Variants in JMJD1C observed in about 807,000 individuals in gnomAD.
JMJD1C encodes the protein jumonji domain containing 1C.
In JMJD1C, 31 loss-of-function variants were observed where a neutral mutation model predicts 245.3. The ratio of observed to expected loss-of-function variants is 0.13; its 90% CI spans 0.09 to 0.17. The LOEUF is 0.17. Ranked by LOEUF, JMJD1C falls within the 10% of genes least tolerant of loss-of-function variation. The pLI is 1.00. For synonymous variants in JMJD1C, 1,057 were observed against 1,017.4 expected (o/e 1.04, Z -0.74); for missense variants, 2,691 against 3,000.2 (o/e 0.90, Z 2.41).
At chr10:63,392,076 C>T (rs1832260385) in intron 1 of JMJD1C, among the ~76,000 whole-genome samples, 2 of 152,170 alleles carry the variant, frequency 1.3e-5, no homozygotes, top group South Asian at 4.1e-4. Context: ...CGTCTCACAG[C>T]CAACAGATTT....
rs1844116088 is a variant in JMJD1C, at chr10:63,186,314, C to G, written c.6640G>C (p.Asp2214His). ...SLWKAESISL[D>H]FGDHQADLLN... ...AGATCAGCTTGGTGGTCTCCAAAATCAAGACTAATTGATTCCGCCTTCCAT... is the reference window on the plus strand; with the variant it reads ...AGATCAGCTTGGTGGTCTCCAAAATGAAGACTAATTGATTCCGCCTTCCAT... The change falls in exon 19 of 26, where the codon GAT (aspartate) becomes CAT (histidine). Residue 2214 changes from aspartate to histidine, a missense_variant. This residue lies in a region of JMJD1C where 232 missense variants were observed against 416.1 expected (regional missense o/e 0.56). Coordinates refer to ENST00000399262, the MANE Select transcript of JMJD1C (RefSeq NM_032776.3). 5.6e-6 allele frequency: 9 copies of G among 1,613,498 alleles called. No individual in the cohort carries two copies. Among genetic ancestry groups the G allele is most frequent in the Non-Finnish European group, 5.9e-6 (7 of 1,179,762 alleles).
At chr10:63,367,222 C>T (rs1359085526) in intron 2 of JMJD1C, among the ~76,000 whole-genome samples, 1 of 151,748 alleles carries the variant, frequency 6.6e-6, no homozygotes, top group African/African-American at 2.4e-5. Context: ...TTTATTCACC[C>T]TAGTTTTTTT....
chr10:63,222,992 G>T, intron 3 of JMJD1C: 1 of 1,414,118 alleles, frequency 7.1e-7, no homozygotes, highest in Non-Finnish European at 1.0e-6. Flanking sequence ...GGATCCACTG[G>T]AATCAGCCAA....
At chr10:63,275,258 A>G (rs1856673455) in intron 2 of JMJD1C, among the ~76,000 whole-genome samples, 1 of 152,158 alleles carries the variant, frequency 6.6e-6, no homozygotes, top group Admixed American at 6.6e-5. Flanking sequence ...ATTTATTTTC[A>G]TGCTGGTTGG....
intron 1 of JMJD1C, among the ~76,000 whole-genome samples, chr10:63,453,066 G>T (rs186167801): frequency 3.6e-3 from 551 of 152,276 alleles, no homozygotes; most frequent in Non-Finnish European, 5.9e-3. Flanking sequence ...CTTGAGGTCA[G>T]GAGTTTGAGA....
chr10:63,181,492 T>G (rs1289113754), intron 22 of JMJD1C, among the ~76,000 whole-genome samples: 1 of 152,136 alleles, frequency 6.6e-6, no homozygotes, highest in Non-Finnish European at 1.5e-5. Flanking sequence ...ACATGGCAGA[T>G]GGAGAAAAAA....
At chr10:63,497,453 T>C (rs1020632074) in intron 1 of JMJD1C, among the ~76,000 whole-genome samples, 2 of 152,184 alleles carry the variant, frequency 1.3e-5, no homozygotes, top group Non-Finnish European at 2.9e-5. Flanking sequence ...GGCAAATCTA[T>C]AGAGACAGAA....
chr10:63,284,784 G>A (rs1857777735), intron 2 of JMJD1C, among the ~76,000 whole-genome samples: 2 of 151,740 alleles, frequency 1.3e-5, no homozygotes, highest in Non-Finnish European at 2.9e-5. Context: ...AGTGGCCAGA[G>A]CTTATCCTAG....
rs115282512 is a variant in JMJD1C, at chr10:63,303,777, T to G, written c.334-39013A>C. On this transcript the variant is annotated intron_variant, in intron 2 of 25. Coordinates refer to ENST00000399262, the MANE Select transcript of JMJD1C (RefSeq NM_032776.3). ...ACTATTTGGATACAGGTTTAAAAAA[T>G]ATATTTTTTATTTCTGTCACAGTAA... 9.1e-3 allele frequency among the ~76,000 whole-genome samples: 1,385 copies of G among 152,274 alleles called. 23 individuals carry two copies. The highest frequency in any genetic ancestry group is 0.032 in the African/African-American group (1,312 of 41,544).
At chr10:63,258,373 G>C (rs566447298) in intron 3 of JMJD1C, among the ~76,000 whole-genome samples, 1 of 152,222 alleles carries the variant, frequency 6.6e-6, no homozygotes, top group Admixed American at 6.5e-5. Context: ...TCAATTAGCT[G>C]CTTCTGATAT....
chr10:63,450,919 C>G (rs959066470), intron 1 of JMJD1C, among the ~76,000 whole-genome samples: 4 of 54,146 alleles, frequency 7.4e-5, no homozygotes, highest in East Asian at 8.6e-4. Flanking sequence ...CACACACACA[C>G]AGAAAAAAAA....
chr10:63,238,704 T>C (rs950573388), intron 3 of JMJD1C, among the ~76,000 whole-genome samples: 8 of 152,230 alleles, frequency 5.3e-5, no homozygotes, highest in Non-Finnish European at 7.3e-5. Flanking sequence ...TTTTAAAGTG[T>C]TGGCTTCTCA....
chr10:63,371,145 A>ATT (rs71025167), intron 2 of JMJD1C, among the ~76,000 whole-genome samples: 207 of 142,782 alleles, frequency 1.4e-3, no homozygotes, highest in Middle Eastern at 0.011. Flanking sequence ...CAATAGGCTA[A>ATT]TTTTTTTTTT....
At chr10:63,268,876 A>G (rs1855955520) in intron 2 of JMJD1C, 2 of 985,772 alleles carry the variant, frequency 2.0e-6, no homozygotes, top group Admixed American at 6.1e-5. Context: ...AAGAAAAGCC[A>G]AGACCACAGA....
At chr10:63,431,417 A>G (rs940554524) in intron 1 of JMJD1C, among the ~76,000 whole-genome samples, 1 of 152,206 alleles carries the variant, frequency 6.6e-6, no homozygotes, top group African/African-American at 2.4e-5. Flanking sequence ...ACCTATGGGT[A>G]TAACAGAAGG....
rs188807784 is a variant in JMJD1C, at chr10:63,382,342, G to C, written c.169-1860C>G. 3.1e-4 allele frequency among the ~76,000 whole-genome samples: 47 copies of C among 152,222 alleles called. No individual in the cohort carries two copies. In the East Asian group the frequency reaches 5.0e-3, roughly 16 times the overall value. ...AGACAATATGTAAACAATTGAGCTT[G>C]ACTTTATGCTAATAAAACATTACTT... On this transcript the variant is annotated intron_variant, in intron 1 of 25. Coordinates refer to ENST00000399262, the MANE Select transcript of JMJD1C (RefSeq NM_032776.3).
intron 22 of JMJD1C, among the ~76,000 whole-genome samples, chr10:63,182,563 A>T (rs949995081): frequency 6.6e-6 from 1 of 152,200 alleles, no homozygotes; most frequent in Non-Finnish European, 1.5e-5. Flanking sequence ...GAAAGAAAAA[A>T]TCATCTTAGA....
At chr10:63,400,727 G>C (rs889954809) in intron 1 of JMJD1C, among the ~76,000 whole-genome samples, 1 of 151,134 alleles carries the variant, frequency 6.6e-6, no homozygotes, top group Admixed American at 6.6e-5. Flanking sequence ...ACACCCGGCT[G>C]ATTTTTGTAC....
At chr10:63,389,311 C>CAAA (rs1185397734) in intron 1 of JMJD1C, among the ~76,000 whole-genome samples, 106 of 64,382 alleles carry the variant, frequency 1.6e-3, no homozygotes, top group East Asian at 1.9e-3. Context: ...GACCCTGTCT[C>CAAA]AAAAAAAAAA....
Sources: gnomAD v4.1 joint callset for allele counts (sites outside exome capture counted in the v4.1 genomes callset) on GRCh38, gnomAD v4.1.1 for gene constraint, gnomAD v4.1.1 regional missense constraint, MANE v1.5 for transcripts, NCBI Gene and HGNC (gene_info 2026-07-23, HGNC 2026-07-21) for gene names.